The following BAIAP3 variants were observed in gnomAD, a reference collection of about 807,000 sequenced individuals.
The protein encoded by BAIAP3 is BAI1 associated protein 3.
Under a neutral mutation model 149.7 loss-of-function variants are expected in BAIAP3, and 180 were observed. The ratio of observed to expected loss-of-function variants is 1.20; its 90% confidence interval spans 1.07 to 1.36. The LOEUF (loss-of-function observed/expected upper bound fraction) is 1.36, where lower values mean the gene tolerates loss of function less well. BAIAP3 is among the 40% of genes most tolerant of loss of function. BAIAP3 has a pLI of 0.00. For missense variants in BAIAP3, 1,767 were observed against 1,563.4 expected, an observed-to-expected ratio of 1.13 and a Z score of -2.20; for synonymous variants, 845 against 670.7, an observed-to-expected ratio of 1.26 and a Z score of -4.02.
Position 1,349,305 on chromosome 16 carries a change from G to A in BAIAP3, c.*823G>A. On this transcript the variant is annotated 3_prime_UTR_variant, in exon 34 of 34. Coordinates refer to ENST00000426824, the MANE Select transcript of BAIAP3 (RefSeq NM_001199097.2). ...GACACAGAGCACAGCTGTGCTGGAA[G>A]TGTGGGGAGAACCCGGACAGCTCAG... The A allele has an allele frequency of 1.0e-6, 1 of 985,828 alleles. No individual in the cohort carries two copies. 61.1% of individuals were successfully genotyped at this position (985,828 alleles called of 1,614,324 possible).
chr16:1,334,810 G>A, intron 1 of BAIAP3: 1 of 1,477,930 alleles, frequency 6.8e-7, no homozygotes, highest in Non-Finnish European at 9.2e-7. Flanking sequence ...GTGAAGGGGA[G>A]TCGGGGGGCT....
intron 1 of BAIAP3, chr16:1,334,585 C>T (rs2033338953): frequency 2.1e-6 from 3 of 1,401,186 alleles, no homozygotes; most frequent in African/African-American, 2.9e-5. Flanking sequence ...TGGACCTTGG[C>T]AGCCGTCTGA....
intron 32 of BAIAP3, 22 bp from the exon 33 acceptor site, chr16:1,348,074 C>CT (rs1164453759): frequency 2.0e-6 from 3 of 1,475,518 alleles, no homozygotes; most frequent in Middle Eastern, 1.7e-4. Context: ...GAGCGAGACT[C>CT]CCGACTGGCC....
intron 15 of BAIAP3, 96 bp downstream of exon 15, chr16:1,343,609 C>G (rs1310922368): frequency 1.1e-5 from 17 of 1,507,602 alleles, no homozygotes; most frequent in Non-Finnish European, 1.5e-5. Flanking sequence ...GAGTCCTGCC[C>G]GCGTGGGGGT....
Position 1,347,816 on chromosome 16 carries a change from C to G in BAIAP3, c.3020C>G (p.Ala1007Gly). 2 of 1,603,556 alleles carry G rather than the reference C, an allele frequency of 1.2e-6. No individual in the cohort carries two copies. The highest frequency in any genetic ancestry group is 1.7e-6 in the Non-Finnish European group (2 of 1,173,540). Reference protein sequence around the residue: ...LHAADLLPLDANGLSDPFVIV... With the variant: ...LHAADLLPLDGNGLSDPFVIV... ...GCCGCGGACCTGCTCCCCCTGGACG[C>G]CAACGGTGAGTTGCAGCGGGGACGG... Residue 1007 changes from alanine to glycine, a missense_variant, in exon 31 of 34, where the codon GCC becomes GGC. Coordinates refer to ENST00000426824, the MANE Select transcript of BAIAP3 (RefSeq NM_001199097.2).
chr16:1,344,738 G>T, intron 19 of BAIAP3, 40 bp downstream of exon 19: 1 of 1,588,024 alleles, frequency 6.3e-7, no homozygotes, highest in African/African-American at 1.5e-5. Flanking sequence ...GGCTGGGGTC[G>T]GAGCCAACAG....
chr16:1,348,341 G>C (rs768308801), intron 33 of BAIAP3, 38 bp from the exon 34 acceptor site: 1 of 1,606,966 alleles, frequency 6.2e-7, no homozygotes. Flanking sequence ...CAGCGGGCCT[G>C]ACCCCGGCCC....
At chr16:1,344,720 T>C (rs2034192232) in intron 19 of BAIAP3, 22 bp downstream of exon 19, 2 of 1,610,272 alleles carry the variant, frequency 1.2e-6, no homozygotes, top group African/African-American at 1.4e-5. Context: ...CCCTCAGTGC[T>C]GTCCTGGGGC....
intron 27 of BAIAP3, 73 bp from the exon 28 acceptor site, chr16:1,346,774 C>T (rs1400053336): frequency 5.9e-6 from 9 of 1,529,958 alleles, no homozygotes; most frequent in Non-Finnish European, 2.6e-6. Context: ...GGAGCTACTC[C>T]TCCAGGCCAT....
rs1368423396 is a variant in BAIAP3, at chr16:1,346,091, C to T, written c.2301+13C>T. On this transcript the variant is annotated intron_variant, in intron 24 of 33. Transcript: ENST00000426824. ...AGTGAGCGAGGCGGTGAGTGACCAG[C>T]TGGGGAGGGGAGCCGGCAGGAGGTG... 5.0e-6 allele frequency: 8 copies of T among 1,607,936 alleles called. No homozygotes were observed. In the East Asian group the frequency reaches 8.9e-5, roughly 18 times the overall value.
chr16:1,339,696 G>T, intron 5 of BAIAP3, 93 bp downstream of exon 5: 1 of 1,013,222 alleles, frequency 9.9e-7, no homozygotes, highest in East Asian at 2.6e-5. Flanking sequence ...CAAACAGTAT[G>T]CAGAATCTCC....
Position 1,344,655 on chromosome 16 carries a change from G to A in BAIAP3, c.1714G>A (p.Asp572Asn), listed in dbSNP as rs772645664. The A allele has an allele frequency of 5.6e-6, 9 of 1,613,312 alleles. No individual in the cohort carries two copies. Among genetic ancestry groups the A allele is most frequent in the Non-Finnish European group, 7.6e-6 (9 of 1,180,028 alleles). Residue 572 changes from aspartate (D) to asparagine (N), a missense_variant, in exon 19 of 34, where the codon GAC becomes AAC. By Grantham distance (23) the Asp-to-Asn change is conservative (BLOSUM62 1). Coordinates refer to ENST00000426824, the MANE Select transcript of BAIAP3 (RefSeq NM_001199097.2). ...LVVLADAVYD[D>N]LQFCYSVYAS... ...TGTGCTGGCTGACGCCGTCTATGAT[G>A]ACCTTCAGTTCTGCTACAGTGTGTA...
rs1351734858 is a variant in BAIAP3 at position 1,348,023 on chromosome 16, T to C, written c.3149+6T>C. The C allele has an allele frequency of 2.5e-6, 4 of 1,606,836 alleles. No homozygotes were observed. Among genetic ancestry groups the C allele is most frequent in the East Asian group, 2.2e-5 (1 of 44,828 alleles). On this transcript the variant is annotated splice_donor_region_variant and intron_variant, in intron 32 of 33. Coordinates refer to ENST00000426824, the MANE Select transcript of BAIAP3 (RefSeq NM_001199097.2). Reference sequence around the variant, plus strand: ...TACGACGAACTCTTCTACTTGTGAGTGTCCTAAGCCCCAGCCCCAGCCCCA... The same window carrying C: ...TACGACGAACTCTTCTACTTGTGAGCGTCCTAAGCCCCAGCCCCAGCCCCA...
chr16:1,340,190 C>CACGCACACAGGCTGCAGGTGCACACAG (rs2033810185), intron 5 of BAIAP3, among the ~76,000 whole-genome samples: 1 of 39,404 alleles, frequency 2.5e-5, no homozygotes. Context: ...TGCACACAGA[C>CACGCACACAGGCTGCAGGTGCACACAG]ACACGCACAC....
At position 1,341,313 on chromosome 16, in the gene BAIAP3, C is replaced by T. The variant is rs1218803330; in HGVS notation, c.555C>T (p.Cys185=). 1.2e-6 allele frequency: 2 copies of T among 1,611,058 alleles called. No individual in the cohort carries two copies. Among genetic ancestry groups the T allele is most frequent in the African/African-American group, 2.7e-5 (2 of 74,922 alleles). The change falls in exon 8 of 34, where the codon TGC becomes TGT. Residue 185 remains cysteine, a synonymous_variant. Coordinates refer to ENST00000426824, the MANE Select transcript of BAIAP3 (RefSeq NM_001199097.2). ...KDPNGFSDPY[C]MLGILPASDA... is the part of the protein sequence containing the mutation. ...GCCCAGGCTTCAGCGACCCATACTG[C>T]ATGCTGGGCATCCTGCCTGCCTCGG...
rs148720021 is a variant in BAIAP3, at chr16:1,348,225, C to T, written c.3279C>T (p.Val1093=). ...TCGGCCTAGGTGGCGTCACTGGTGT[C>T]GCCCGGCCCCAGGTGGGCGGGGGTG... ...AALGLGGVTG[V]ARPQVGGGAR... Residue 1093 remains valine (V), a synonymous_variant, in exon 33 of 34, where the codon GTC becomes GTT. Coordinates refer to ENST00000426824, the MANE Select transcript of BAIAP3 (RefSeq NM_001199097.2). The T allele has an allele frequency of 2.1e-4, 336 of 1,607,196 alleles. No homozygotes were observed. Among genetic ancestry groups the T allele is most frequent in the Middle Eastern group, 1.6e-4 (1 of 6,076 alleles).
In BAIAP3 at chr16:1,345,276, C is replaced by T. The variant is rs1371150323; in HGVS notation, c.1968C>T (p.Gly656=). 7 of 1,613,126 alleles carry T rather than the reference C, an allele frequency of 4.3e-6. No individual in the cohort carries two copies. Among genetic ancestry groups the T allele is most frequent in the Admixed American group, 1.7e-5 (1 of 60,010 alleles). Residue 656 remains glycine, a synonymous_variant, in exon 22 of 34, where the codon GGC becomes GGT. Coordinates refer to ENST00000426824, the MANE Select transcript of BAIAP3 (RefSeq NM_001199097.2). Reference sequence around the variant, plus strand: ...ACAGCCGCTCTCTGGCCCTGGCTGGCATCCACGCCCCCTTCCTGCCTGCTG... The same window carrying T: ...ACAGCCGCTCTCTGGCCCTGGCTGGTATCCACGCCCCCTTCCTGCCTGCTG... ...GRDSRSLALA[G]IHAPFLPAVK...
intron 1 of BAIAP3, among the ~76,000 whole-genome samples, chr16:1,335,791 A>AG (rs917750285): frequency 6.6e-6 from 1 of 152,160 alleles, no homozygotes; most frequent in Non-Finnish European, 1.5e-5. Flanking sequence ...AGTTGGGGTC[A>AG]GGGGGGCTGG....
At chr16:1,337,974 C>T (rs1477188396) in intron 1 of BAIAP3, among the ~76,000 whole-genome samples, 1 of 152,196 alleles carries the variant, frequency 6.6e-6, no homozygotes, top group East Asian at 1.9e-4. Context: ...CCCAGGCAGT[C>T]CCCTCCAGGG....
Sources: allele counts gnomAD v4.1 joint callset (sites outside exome capture counted in the v4.1 genomes callset), GRCh38; gene constraint gnomAD v4.1.1; transcripts MANE v1.5; gene names NCBI Gene and HGNC (gene_info 2026-07-23, HGNC 2026-07-21).